The following ZNF248 variants were observed in gnomAD, a reference collection of about 807,000 sequenced individuals.
ZNF248 encodes zinc finger protein 248.
In ZNF248, 20 loss-of-function variants were observed where a neutral mutation model predicts 44.3. That is an observed-to-expected ratio of 0.45 (90% CI 0.32 to 0.66). The LOEUF is 0.66. ZNF248 is among the 30% of genes least tolerant of loss of function. The pLI is 0.04. For missense variants in ZNF248, 654 were observed against 677.0 expected (o/e 0.97, Z 0.38); for synonymous variants, 224 against 229.0 (o/e 0.98, Z 0.20).
At chr10:37,819,733 C>T (rs1589430662) in intron 6 of ZNF248, 21 of 782,394 alleles carry the variant, frequency 2.7e-5, no homozygotes, top group East Asian at 1.5e-4. Flanking sequence ...CTAATGTTAA[C>T]GTTTTATTTT....
chr10:37,857,097 C>G (rs902493638), intron 1 of ZNF248, 88 bp downstream of exon 1: 2 of 152,336 alleles, frequency 1.3e-5, no homozygotes, highest in African/African-American at 4.8e-5. Context: ...TCGCTGTGGC[C>G]GTGAGCCTTT....
intron 5 of ZNF248, among the ~76,000 whole-genome samples, chr10:37,836,417 A>G (rs753087715): frequency 1.3e-5 from 2 of 152,078 alleles, no homozygotes; most frequent in Non-Finnish European, 2.9e-5. Flanking sequence ...ATTATCTCCT[A>G]CCAGTCTCCA....
the ZNF248 span, among the ~76,000 whole-genome samples, chr10:37,760,888 CACAA>C: frequency 2.0e-5 from 3 of 152,106 alleles, no homozygotes; most frequent in African/African-American, 4.8e-5. Flanking sequence ...TTTGTATGAG[CACAA>C]ACAAAGAAAT....
At chr10:37,820,457 CCA>C in intron 6 of ZNF248, 1 of 1,590,480 alleles carries the variant, frequency 6.3e-7, no homozygotes, top group South Asian at 1.1e-5. Context: ...GCCATCTAAA[CCA>C]CAGAGGGGCT....
chr10:37,842,893 A>G (rs1477281563), intron 3 of ZNF248, among the ~76,000 whole-genome samples: 1 of 152,174 alleles, frequency 6.6e-6, no homozygotes, highest in Non-Finnish European at 1.5e-5. Flanking sequence ...AAGCTTTAAG[A>G]AGATCATAAG....
intron 6 of ZNF248, among the ~76,000 whole-genome samples, chr10:37,780,689 C>T (rs569238349): frequency 1.3e-5 from 2 of 152,182 alleles, no homozygotes; most frequent in Non-Finnish European, 2.9e-5. Context: ...GCGCGCACCC[C>T]GCGCGGGGCC....
the ZNF248 span, among the ~76,000 whole-genome samples, chr10:37,766,516 G>T: frequency 0.06 from 9,117 of 152,262 alleles, 352 homozygotes; most frequent in Middle Eastern, 0.095. Context: ...GGCAAACAGG[G>T]TCTGGAGTGG....
At position 37,844,395 on chromosome 10, in the gene ZNF248, C is replaced by T. The variant is rs114402753; in HGVS notation, c.16-6284G>A. 2.8e-3 allele frequency among the ~76,000 whole-genome samples: 423 copies of T among 152,100 alleles called. 1 individual carries two copies. Among genetic ancestry groups the T allele is most frequent in the African/African-American group, 9.2e-3 (383 of 41,526 alleles). Reference sequence around the variant, plus strand: ...AAATTAAAAGATCTTCATAACTCAACGCCGTATGAAGAAATAAAGAGCTCT... The same window carrying T: ...AAATTAAAAGATCTTCATAACTCAATGCCGTATGAAGAAATAAAGAGCTCT... On this transcript the variant is annotated intron_variant, in intron 3 of 5. Coordinates refer to ENST00000395867, the MANE Select transcript of ZNF248 (RefSeq NM_021045.3).
intron 6 of ZNF248, among the ~76,000 whole-genome samples, chr10:37,790,740 T>TA (rs199724580): frequency 0.022 from 3,064 of 139,096 alleles, 117 homozygotes; most frequent in East Asian, 0.12. Flanking sequence ...AAATAATTTT[T>TA]TAAAAAAATA....
At chr10:37,764,072 C>A in the ZNF248 span, among the ~76,000 whole-genome samples, 4 of 152,192 alleles carry the variant, frequency 2.6e-5, no homozygotes, top group Admixed American at 1.3e-4. Flanking sequence ...AGGTCTGGCT[C>A]CCTGAGAGCC....
the ZNF248 span, among the ~76,000 whole-genome samples, chr10:37,763,814 A>G: frequency 0.01 from 1,577 of 152,336 alleles, 24 homozygotes; most frequent in South Asian, 0.057. Flanking sequence ...CTTTACTGCA[A>G]TCTCTGAACA....
At chr10:37,826,163 G>A (rs151248574), downstream of ZNF248, among the ~76,000 whole-genome samples, 1 of 152,058 alleles carries the variant, frequency 6.6e-6, no homozygotes, top group Non-Finnish European at 1.5e-5. Flanking sequence ...CATATATATT[G>A]TATTTCCATT....
intron 6 of ZNF248, chr10:37,818,675 G>T (rs2052961993): frequency 1.9e-6 from 1 of 536,526 alleles, no homozygotes; most frequent in Admixed American, 2.6e-5. Flanking sequence ...TACTCACAAA[G>T]ACCAATTTTT....
At chr10:37,790,661 G>C (rs1008873742) in intron 6 of ZNF248, among the ~76,000 whole-genome samples, 5 of 151,896 alleles carry the variant, frequency 3.3e-5, no homozygotes, top group African/African-American at 1.2e-4. Context: ...AGTGAGCCGA[G>C]ATGGCATCAC....
At chr10:37,817,553 A>T (rs922514216) in intron 6 of ZNF248, among the ~76,000 whole-genome samples, 2 of 152,070 alleles carry the variant, frequency 1.3e-5, no homozygotes, top group Admixed American at 6.6e-5. Flanking sequence ...CCTACTGAGG[A>T]GGGAAGCAAT....
the ZNF248 span, among the ~76,000 whole-genome samples, chr10:37,763,104 G>A: frequency 2.0e-5 from 3 of 152,170 alleles, no homozygotes; most frequent in African/African-American, 4.8e-5. Context: ...GAACAAAGGA[G>A]GGTGAATGCA....
At position 37,828,838 on chromosome 10, in the gene ZNF248, C is replaced by G; in HGVS notation, c.*2777G>C. ...ACACCACATACAATAAGAAACACCA[C>G]AGGGAGGTATGAATAATGTAATTTA... is the stretch of plus-strand genomic sequence containing the variant. On this transcript the variant is annotated 3_prime_UTR_variant, in exon 6 of 6. Coordinates refer to ENST00000395867, the MANE Select transcript of ZNF248 (RefSeq NM_021045.3). The G allele has an allele frequency of 3.0e-6, 3 of 985,388 alleles. No individual in the cohort carries two copies. The highest frequency in any genetic ancestry group is 3.6e-6 in the Non-Finnish European group (3 of 829,934). 61.0% of individuals were successfully genotyped at this position (985,388 alleles called of 1,614,324 possible). A position where few individuals can be genotyped will look rare whatever the true frequency, so the allele number is the denominator to read the frequency against.
downstream of ZNF248, among the ~76,000 whole-genome samples, chr10:37,825,909 A>AAAAAG (rs1554828395): frequency 6.7e-6 from 1 of 150,310 alleles, no homozygotes; most frequent in African/African-American, 2.4e-5. Context: ...AAAAAAAAAA[A>AAAAAG]GGGGGGGAGA....
At chr10:37,790,262 C>T (rs1467651435) in intron 6 of ZNF248, among the ~76,000 whole-genome samples, 14 of 138,098 alleles carry the variant, frequency 1.0e-4, no homozygotes, top group African/African-American at 2.7e-4. Flanking sequence ...CAGAGCAAGA[C>T]TCTGTGTCAA....
Sources: gnomAD v4.1 joint callset for allele counts (sites outside exome capture counted in the v4.1 genomes callset) on GRCh38, gnomAD v4.1.1 for gene constraint, MANE v1.5 for transcripts, NCBI Gene and HGNC (gene_info 2026-07-23, HGNC 2026-07-21) for gene names.